The following VGLL4 variants were observed in gnomAD, a reference collection of about 807,000 sequenced individuals.
The protein encoded by VGLL4 is vestigial like family member 4, also known as transcription cofactor vestigial-like protein 4.
Under a neutral mutation model 21.0 loss-of-function variants are expected in VGLL4, and 7 were observed. The ratio of observed to expected loss-of-function variants is 0.33; its 90% CI spans 0.19 to 0.63. The LOEUF (loss-of-function observed/expected upper bound fraction) is 0.63, where lower values mean the gene tolerates loss of function less well. Ranked by LOEUF, VGLL4 falls within the 20% of genes least tolerant of loss-of-function variation. The probability of loss-of-function intolerance (pLI) is 0.78; values close to 1 mark genes in which losing one functional copy is unlikely to be tolerated. For missense variants in VGLL4, 394 were observed against 425.7 expected (o/e 0.93, Z 0.66); for synonymous variants, 222 against 173.2 (o/e 1.28, Z -2.21).
At chr3:11,659,880 T>G (rs1185170952) in intron 2 of VGLL4, among the ~76,000 whole-genome samples, 1 of 151,642 alleles carries the variant, frequency 6.6e-6, no homozygotes, top group Admixed American at 6.6e-5. Context: ...TTTCCCATCT[T>G]GGCCGGGCGC....
At chr3:11,679,001 T>C (rs529169147) in intron 2 of VGLL4, among the ~76,000 whole-genome samples, 2 of 152,186 alleles carry the variant, frequency 1.3e-5, no homozygotes, top group Non-Finnish European at 2.9e-5. Flanking sequence ...GCGCTGCCAG[T>C]CATATAAAAG....
At chr3:11,564,642 C>T in intron 3 of VGLL4, 155 bp downstream of exon 3, 4 of 875,892 alleles carry the variant, frequency 4.6e-6, no homozygotes. Context: ...CCCAAGTGCA[C>T]AACAGAGGCG....
chr3:11,582,002 G>A (rs959969024), intron 2 of VGLL4, among the ~76,000 whole-genome samples: 3 of 152,150 alleles, frequency 2.0e-5, no homozygotes, highest in African/African-American at 4.8e-5. Context: ...GCTACTGCAG[G>A]CAGCCATGCT....
At chr3:11,670,095 G>A (rs1470762566) in intron 2 of VGLL4, among the ~76,000 whole-genome samples, 1 of 151,764 alleles carries the variant, frequency 6.6e-6, no homozygotes, top group African/African-American at 2.4e-5. Flanking sequence ...GGAGGGTGCG[G>A]GGAACATGTC....
At chr3:11,572,786 G>A (rs1253432257) in intron 2 of VGLL4, among the ~76,000 whole-genome samples, 1 of 152,100 alleles carries the variant, frequency 6.6e-6, no homozygotes, top group African/African-American at 2.4e-5. Context: ...CTGCTCTGTG[G>A]TATTCTTCCA....
intron 2 of VGLL4, among the ~76,000 whole-genome samples, chr3:11,590,153 T>C (rs538798467): frequency 4.6e-5 from 7 of 152,264 alleles, no homozygotes; most frequent in Admixed American, 4.6e-4. Flanking sequence ...GAGAAGAGTG[T>C]TTTGAGACAG....
intron 3 of VGLL4, among the ~76,000 whole-genome samples, chr3:11,559,807 G>A (rs991594899): frequency 9.9e-5 from 15 of 152,262 alleles, no homozygotes; most frequent in South Asian, 6.2e-4. Flanking sequence ...CGATTCTCCC[G>A]TTAACGTCCC....
chr3:11,628,589 G>A (rs2075406181), intron 1 of VGLL4, among the ~76,000 whole-genome samples: 1 of 152,038 alleles, frequency 6.6e-6, no homozygotes, highest in African/African-American at 2.4e-5. Flanking sequence ...GGGAGGCCAA[G>A]GCGGGCGGAT....
intron 1 of VGLL4, among the ~76,000 whole-genome samples, chr3:11,712,155 G>A (rs1471532629): frequency 1.3e-5 from 2 of 152,080 alleles, no homozygotes; most frequent in Non-Finnish European, 2.9e-5. Flanking sequence ...CAGGACTTTA[G>A]CATCAGGAAG....
intron 2 of VGLL4, among the ~76,000 whole-genome samples, chr3:11,702,151 T>C (rs1220240404): frequency 6.6e-6 from 1 of 152,160 alleles, no homozygotes; most frequent in Non-Finnish European, 1.5e-5. Context: ...TGATTTTTTT[T>C]CCCATCTCTA....
chr3:11,719,062 G>T lies in VGLL4; in HGVS notation c.-14+1332C>A, dbSNP rs890386459. 1.3e-5 allele frequency among the ~76,000 whole-genome samples: 2 copies of T among 152,198 alleles called. No homozygotes were observed. The highest frequency in any genetic ancestry group is 6.5e-5 in the Admixed American group (1 of 15,290). ...TGTGCTCTTCCGCGAGGCCTGCACT[G>T]GGTGCAGGGAGAGTGTGCAGTCCTG... On this transcript the variant is annotated intron_variant, in intron 1 of 5. Transcript: ENST00000273038. The surrounding 1 kb of genome is among the most constrained non-coding windows in gnomAD (Gnocchi z 4.0).
chr3:11,644,845 CAAA>C (rs11293808), upstream of VGLL4, among the ~76,000 whole-genome samples: 5 of 71,196 alleles, frequency 7.0e-5, no homozygotes, highest in Admixed American at 1.5e-4. Context: ...GACTTTGTCT[CAAA>C]AAAAAAAAAA....
intron 2 of VGLL4, among the ~76,000 whole-genome samples, chr3:11,685,581 T>C (rs1476977338): frequency 6.6e-6 from 1 of 152,226 alleles, no homozygotes; most frequent in Non-Finnish European, 1.5e-5. Flanking sequence ...GTAATCAACA[T>C]TCACATGTGT....
chr3:11,690,839 T>C (rs562894098), intron 2 of VGLL4, among the ~76,000 whole-genome samples: 9 of 152,316 alleles, frequency 5.9e-5, no homozygotes, highest in African/African-American at 2.2e-4. Context: ...CTTGATTTGA[T>C]TTCTATAAAA....
At chr3:11,577,646 A>G (rs945091878) in intron 2 of VGLL4, among the ~76,000 whole-genome samples, 1 of 152,170 alleles carries the variant, frequency 6.6e-6, no homozygotes, top group African/African-American at 2.4e-5. Flanking sequence ...TCAGGAGAAC[A>G]CTTCACACTA....
intron 2 of VGLL4, among the ~76,000 whole-genome samples, chr3:11,664,213 G>A (rs1254222137): frequency 2.0e-5 from 3 of 152,196 alleles, no homozygotes; most frequent in Admixed American, 2.0e-4. Context: ...ACTCCAGCCT[G>A]GGCGACAGAT....
Position 11,564,868 on chromosome 3 carries a change from T to C in VGLL4, c.424A>G (p.Thr142Ala), listed in dbSNP as rs868364435. The C allele has an allele frequency of 1.1e-5, 18 of 1,609,228 alleles. No homozygotes were observed. The African/African-American group carries it at 2.3e-4, about 20-fold the overall frequency. The change falls in exon 3 of 5, where the codon ACC becomes GCC. Residue 142 changes from threonine to alanine, a missense_variant. By Grantham distance (58) the Thr-to-Ala change is moderately conservative. Transcript: ENST00000430365. ...CTGCTGGCGTCCAGGCTGTTCTTGG[T>C]CAGTGCGAGGGGCTGCTCCAGGCCA... ...SLGLEQPLALTKNSLDASRPA... is the reference protein window; with the variant it reads ...SLGLEQPLALAKNSLDASRPA...
intron 2 of VGLL4, among the ~76,000 whole-genome samples, chr3:11,669,381 C>A (rs998817948): frequency 7.9e-5 from 12 of 151,976 alleles, no homozygotes; most frequent in African/African-American, 2.7e-4. Context: ...GACCCCGCCT[C>A]TAAAAAAAGA....
chr3:11,563,736 C>T (rs113039449), intron 3 of VGLL4, among the ~76,000 whole-genome samples: 2 of 152,208 alleles, frequency 1.3e-5, no homozygotes, highest in African/African-American at 2.4e-5. Context: ...TCTGGTACCC[C>T]CTGGCACACA....
Sources: gnomAD v4.1 joint callset for allele counts (sites outside exome capture counted in the v4.1 genomes callset) on GRCh38, gnomAD v4.1.1 for gene constraint, Gnocchi (gnomAD v3.1) non-coding constraint, MANE v1.5 for transcripts, NCBI Gene and HGNC (gene_info 2026-07-23, HGNC 2026-07-21) for gene names.